Variants in XPO7 observed in about 807,000 individuals in gnomAD.
XPO7 encodes the protein exportin 7.
Under a neutral mutation model 144.3 loss-of-function variants are expected in XPO7, and 21 were observed. The observed-to-expected ratio is 0.15, with a 90% confidence interval of 0.10 to 0.21. XPO7 has a LOEUF of 0.21. XPO7 is among the 10% of genes least tolerant of loss of function. XPO7 has a pLI of 1.00. For synonymous variants in XPO7, 580 were observed against 499.6 expected, an observed-to-expected ratio of 1.16 and a Z score of -2.15; for missense variants, 808 against 1,325.8, an observed-to-expected ratio of 0.61 and a Z score of 6.06.
chr8:21,969,003 C>A (rs953090605), intron 2 of XPO7, among the ~76,000 whole-genome samples: 1 of 152,212 alleles, frequency 6.6e-6, no homozygotes, highest in African/African-American at 2.4e-5. Flanking sequence ...TGGAAAGATA[C>A]AATTTGGAGA....
chr8:21,972,091 G>T (rs1322155049), intron 5 of XPO7, 150 bp downstream of exon 5: 5 of 628,544 alleles, frequency 8.0e-6, no homozygotes, highest in Non-Finnish European at 1.1e-5. Flanking sequence ...AGTTCCATTG[G>T]GTTTTCCTCT....
intron 1 of XPO7, among the ~76,000 whole-genome samples, chr8:21,956,567 T>C (rs932915486): frequency 3.9e-5 from 6 of 152,186 alleles, no homozygotes; most frequent in African/African-American, 1.4e-4. Context: ...GTTAGGCCTA[T>C]GGAACTGGGT....
intron 19 of XPO7, among the ~76,000 whole-genome samples, chr8:21,992,491 C>T (rs1812803905): frequency 6.6e-6 from 1 of 152,130 alleles, no homozygotes; most frequent in African/African-American, 2.4e-5. Context: ...ATTGAGATTT[C>T]TTCTTTGACA....
chr8:21,957,386 C>T (rs1811571112), intron 1 of XPO7, among the ~76,000 whole-genome samples: 1 of 152,174 alleles, frequency 6.6e-6, no homozygotes, highest in Admixed American at 6.5e-5. Context: ...CCCACTTCAC[C>T]TTAACATCTG....
chr8:21,976,611 T>C (rs2117345146), intron 7 of XPO7, 90 bp downstream of exon 7: 2 of 1,407,154 alleles, frequency 1.4e-6, no homozygotes, highest in Middle Eastern at 2.6e-4. Context: ...GCAACTCCTG[T>C]GTATTCTGAG....
chr8:21,934,856 TTG>T (rs1009821200), intron 1 of XPO7, among the ~76,000 whole-genome samples: 1 of 152,214 alleles, frequency 6.6e-6, no homozygotes, highest in African/African-American at 2.4e-5. Context: ...GAGTGAAGCC[TTG>T]TGTAAACATC....
At position 22,005,154 on chromosome 8, in the gene XPO7, T is replaced by A; in HGVS notation, c.*66T>A. ...GGTTTGGCCCAGAGGGGCGAACAAT[T>A]GCAAGGGAGAGGGCCTGGCTGATCC... On this transcript the variant is annotated 3_prime_UTR_variant, in exon 28 of 28. Transcript: ENST00000252512. 2 of 1,369,722 alleles carry A rather than the reference T, an allele frequency of 1.5e-6. No individual in the cohort carries two copies. Among genetic ancestry groups the A allele is most frequent in the South Asian group, 1.3e-5 (1 of 75,192 alleles). The allele number at this position is 1,369,722 out of a possible 1,614,324, so 84.8% of individuals were successfully genotyped here.
rs544820777 is a variant in XPO7, at chr8:21,921,629, C to A, written c.18+1841C>A. ...CAGCATTTGTCGCTCCAACGAAGGT[C>A]TGTCTTATTTTTAGTAAGATGTTGT... On this transcript the variant is annotated intron_variant, in intron 1 of 27. Transcript: ENST00000252512. 3 of 152,072 alleles carry A rather than the reference C, an allele frequency of 2.0e-5. No homozygotes were observed. In the South Asian group the frequency reaches 6.2e-4, roughly 31 times the overall value. The allele number at this position is 152,072 out of a possible 1,614,324, so 9.4% of individuals were successfully genotyped here.
At chr8:21,964,274 C>G (rs576571304) in intron 1 of XPO7, 1 of 152,176 alleles carries the variant, frequency 6.6e-6, no homozygotes, top group African/African-American at 2.4e-5. Context: ...TAAGAACTGG[C>G]GACTAGGAAA....
At chr8:21,988,942 C>A (rs1182517964) in intron 15 of XPO7, 61 bp from the exon 16 acceptor site, 2 of 1,505,438 alleles carry the variant, frequency 1.3e-6, no homozygotes, top group East Asian at 4.6e-5. Flanking sequence ...TTCTCCCAGC[C>A]CTCAAGGAAA....
intron 1 of XPO7, among the ~76,000 whole-genome samples, chr8:21,949,948 C>T (rs1811315767): frequency 6.6e-6 from 1 of 152,252 alleles, no homozygotes; most frequent in Non-Finnish European, 1.5e-5. Flanking sequence ...TGGTCTTGAA[C>T]TCCTGACCTC....
chr8:21,936,080 G>C (rs1810812950), intron 1 of XPO7, among the ~76,000 whole-genome samples: 2 of 152,132 alleles, frequency 1.3e-5, no homozygotes. Context: ...CCACCTATCA[G>C]ACAATTTGCT....
intron 1 of XPO7, among the ~76,000 whole-genome samples, chr8:21,922,194 T>C (rs1810311321): frequency 6.6e-6 from 1 of 152,128 alleles, no homozygotes; most frequent in Non-Finnish European, 1.5e-5. Context: ...GGGTGAGCAG[T>C]TTTTTCATAA....
chr8:21,953,284 C>T (rs1030651726), intron 1 of XPO7, among the ~76,000 whole-genome samples: 2 of 152,168 alleles, frequency 1.3e-5, no homozygotes, highest in Non-Finnish European at 2.9e-5. Context: ...TTCTCCCCCC[C>T]TGCAAACTCC....
intron 1 of XPO7, among the ~76,000 whole-genome samples, chr8:21,941,922 AAAAT>A (rs1811005896): frequency 1.3e-5 from 2 of 152,184 alleles, no homozygotes; most frequent in Non-Finnish European, 2.9e-5. Context: ...TCTGATGGAC[AAAAT>A]AAATAAACTG....
At chr8:21,956,984 CTG>C (rs1004761377) in intron 1 of XPO7, among the ~76,000 whole-genome samples, 6 of 152,158 alleles carry the variant, frequency 3.9e-5, no homozygotes, top group Non-Finnish European at 8.8e-5. Context: ...ACTGGAACCT[CTG>C]AAAGCGTGGC....
intron 9 of XPO7, among the ~76,000 whole-genome samples, chr8:21,980,462 T>TC (rs1284682042): frequency 6.6e-6 from 1 of 152,082 alleles, no homozygotes; most frequent in East Asian, 1.9e-4. Flanking sequence ...TAGTCATTTT[T>TC]CCCCCCAAGA....
Position 22,002,212 on chromosome 8 carries a change from G to C in XPO7, c.2883G>C (p.Leu961=), listed in dbSNP as rs771458104. ...SRSTKKRTTP[L]NQESDRFLHI... is the part of the protein sequence containing the mutation. ...GCACCAAGAAGAGGACCACACCCCT[G>C]AACCAGGAGAGCGACCGCTTTCTGC... Residue 961 remains leucine, a synonymous_variant, in exon 25 of 28, where the codon CTG becomes CTC. Transcript: ENST00000252512. The C allele has an allele frequency of 1.1e-5, 18 of 1,613,256 alleles. No homozygotes were observed. Among genetic ancestry groups the C allele is most frequent in the Non-Finnish European group, 1.5e-5 (18 of 1,179,638 alleles).
At chr8:21,958,562 C>T (rs1392337643) in intron 1 of XPO7, among the ~76,000 whole-genome samples, 2 of 150,314 alleles carry the variant, frequency 1.3e-5, no homozygotes, top group African/African-American at 4.9e-5. Context: ...CCATGTTAAG[C>T]AGTGAAATTA....
Sources: allele counts gnomAD v4.1 joint callset (sites outside exome capture counted in the v4.1 genomes callset), GRCh38; gene constraint gnomAD v4.1.1; transcripts MANE v1.5; gene names NCBI Gene and HGNC (gene_info 2026-07-23, HGNC 2026-07-21).